ANO9: variants seen among roughly 807,000 people sequenced by gnomAD.
The protein encoded by ANO9 is anoctamin-9.
A neutral mutation model predicts 100.5 loss-of-function variants in ANO9; 80 were observed. That is an observed-to-expected ratio of 0.80 (90% confidence interval 0.66 to 0.96). The LOEUF (loss-of-function observed/expected upper bound fraction) is 0.96, where lower values mean the gene tolerates loss of function less well. Among genes scored for constraint, ANO9 ranks in the 40% least tolerant of loss-of-function variants. The probability of loss-of-function intolerance (pLI) is 0.00; values close to 1 mark genes in which losing one functional copy is unlikely to be tolerated. For synonymous variants in ANO9, 473 were observed against 435.6 expected (o/e 1.09, Z -1.07); for missense variants, 1,064 against 1,072.7 (o/e 0.99, Z 0.11).
At chr11:431,555 G>A in intron 7 of ANO9, 139 bp downstream of exon 7, 1 of 375,262 alleles carries the variant, frequency 2.7e-6, no homozygotes. Context: ...GTATCTGGGG[G>A]CGTCTGCGGG....
At position 429,696 on chromosome 11, in the gene ANO9, G is replaced by A. The variant is rs1250620937; in HGVS notation, c.833-44C>T. On this transcript the variant is annotated intron_variant, in intron 10 of 22. Coordinates refer to ENST00000332826, the MANE Select transcript of ANO9 (RefSeq NM_001012302.3). ...GGGGCATCACTGCACTACGCCAGGT[G>A]GACCTCGGAGCTTGGGCTGGCACTT... 5 of 1,612,320 alleles carry A rather than the reference G, an allele frequency of 3.1e-6. No individual in the cohort carries two copies. The African/African-American group carries it at 6.7e-5, about 22-fold the overall frequency.
At chr11:428,419 C>T in intron 13 of ANO9, 25 bp from the exon 14 acceptor site, 3 of 1,612,640 alleles carry the variant, frequency 1.9e-6, no homozygotes, top group Non-Finnish European at 2.5e-6. Flanking sequence ...ACCGAATGGG[C>T]TCACTGGGGC....
At chr11:426,057 C>G (rs1848504185) in intron 15 of ANO9, among the ~76,000 whole-genome samples, 1 of 152,110 alleles carries the variant, frequency 6.6e-6, no homozygotes, top group Non-Finnish European at 1.5e-5. Flanking sequence ...TTTAAAGGCA[C>G]TTTTAAAAAA....
rs1848253997 is a variant in ANO9, at chr11:422,493, G to A, written c.1335-1295C>T. On this transcript the variant is annotated intron_variant, in intron 15 of 22. Coordinates refer to ENST00000332826, the MANE Select transcript of ANO9 (RefSeq NM_001012302.3). This position sits in a 1 kb window ranked among gnomAD's most constrained non-coding sequence, Gnocchi z 4.3. ...ACAAGGGTCCCTCTGTGGGGACAGG[G>A]AGCAGCTGGGAGCTGGCCTGACTCA... is the stretch of plus-strand genomic sequence containing the variant. Among the ~76,000 whole-genome samples, 1 of 152,208 alleles carries A rather than the reference G, an allele frequency of 6.6e-6. No individual in the cohort carries two copies. The highest frequency in any genetic ancestry group is 2.4e-5 in the African/African-American group (1 of 41,444).
chr11:434,818 G>C (rs149875640), intron 1 of ANO9, among the ~76,000 whole-genome samples: 3 of 152,312 alleles, frequency 2.0e-5, no homozygotes, highest in Non-Finnish European at 4.4e-5. Flanking sequence ...CCTTCCGGAG[G>C]AGGGGAATTT....
chr11:442,004 T>G lies in ANO9; in HGVS notation c.-78A>C, dbSNP rs1845921847. ...CCAGCGGCGGGTGCTCCTACCTGAC[T>G]TCCGCGTGGGGCTCGCCCCTCCCTC... On this transcript the variant is annotated 5_prime_UTR_variant, in exon 1 of 23. Transcript: ENST00000332826. 1.3e-6 allele frequency: 2 copies of G among 1,565,384 alleles called. No homozygotes were observed. The highest frequency in any genetic ancestry group is 8.6e-7 in the Non-Finnish European group (1 of 1,161,908).
At chr11:440,109 G>C (rs1845743374) in intron 1 of ANO9, among the ~76,000 whole-genome samples, 2 of 152,090 alleles carry the variant, frequency 1.3e-5, no homozygotes, top group African/African-American at 2.4e-5. Context: ...TTGGTGTCTG[G>C]GACTCAGCAG....
In ANO9 at chr11:421,583, A is replaced by G. The variant is rs146628800; in HGVS notation, c.1335-385T>C. ...ACCGCACCCACACGTGGGCGCGCGC[A>G]CACACACACACACCCCCACACAGGG... On this transcript the variant is annotated intron_variant, in intron 15 of 22. Coordinates refer to ENST00000332826, the MANE Select transcript of ANO9 (RefSeq NM_001012302.3). The surrounding 1 kb of genome is among the most constrained non-coding windows in gnomAD (Gnocchi z 6.8). Among the ~76,000 whole-genome samples the G allele has an allele frequency of 0.026, 2,694 of 103,504 alleles. 104 individuals are homozygous for G. Among genetic ancestry groups the G allele is most frequent in the African/African-American group, 0.064 (1,606 of 25,152 alleles). The allele number at this position is 103,504 out of a possible 152,430, so 67.9% of individuals were successfully genotyped here.
rs1198784823 is a variant in ANO9 at position 433,876 on chromosome 11, G to T, written c.143C>A (p.Pro48His). ...LVAQRHTQRD[P>H]RQARQQQFLE... ...GAACTGTTGCTGCCGCGCCTGCCGG[G>T]GGTCTCTCTGGGTGTGACGTTGGGC... is the stretch of plus-strand genomic sequence containing the variant. Residue 48 changes from proline (P) to histidine (H), a missense_variant, in exon 3 of 23, where the codon CCC (proline) becomes CAC (histidine). By Grantham distance (77) the Pro-to-His change is moderately conservative. Coordinates refer to ENST00000332826, the MANE Select transcript of ANO9 (RefSeq NM_001012302.3). The T allele has an allele frequency of 1.9e-6, 3 of 1,563,162 alleles. No individual in the cohort carries two copies. Among genetic ancestry groups the T allele is most frequent in the African/African-American group, 2.7e-5 (2 of 74,228 alleles).
At chr11:435,616 ATAGTCTAGTCTAGTATGGTCTAGTC>A (rs1849444357) in intron 1 of ANO9, among the ~76,000 whole-genome samples, 2 of 64,902 alleles carry the variant, frequency 3.1e-5, no homozygotes, top group African/African-American at 8.2e-5. Context: ...ATAGTCTAGT[ATAGTCTAGTCTAGTATGGTCTAGTC>A]TAGTCTAGTC....
Position 418,290 on chromosome 11 carries a change from A to G in ANO9, c.*81T>C, listed in dbSNP as rs1044944161. On this transcript the variant is annotated 3_prime_UTR_variant, in exon 23 of 23. Transcript: ENST00000332826. ...CACAGCCTTCTCACAGCACCCCTCA[A>G]CACGCACAGCGGTGGGCTTGTGGGA... 2 of 1,368,384 alleles carry G rather than the reference A, an allele frequency of 1.5e-6. No homozygotes were observed. The highest frequency in any genetic ancestry group is 2.5e-5 in the East Asian group (1 of 39,924). 84.8% of individuals were successfully genotyped at this position (1,368,384 alleles called of 1,614,324 possible). A position where few individuals can be genotyped will look rare whatever the true frequency, so the allele number is the denominator to read the frequency against.
rs370523888 is a variant in ANO9 at position 422,351 on chromosome 11, C to T, written c.1335-1153G>A. ...TGCTCATTCTTGGAGCCTGTGACCA[C>T]GTTCTTACCTGGCAAAGGAATTTTA... On this transcript the variant is annotated intron_variant, in intron 15 of 22. Coordinates refer to ENST00000332826, the MANE Select transcript of ANO9 (RefSeq NM_001012302.3). The surrounding 1 kb of genome is among the most constrained non-coding windows in gnomAD (Gnocchi z 4.3). Among the ~76,000 whole-genome samples, 1 of 152,356 alleles carries T rather than the reference C, an allele frequency of 6.6e-6. No individual in the cohort carries two copies. Among genetic ancestry groups the T allele is most frequent in the East Asian group, 1.9e-4 (1 of 5,194 alleles).
At position 441,998 on chromosome 11, in the gene ANO9, CCTGA is replaced by C. The variant is rs1242046485; in HGVS notation, c.-76_-73del. On this transcript the variant is annotated 5_prime_UTR_variant, in exon 1 of 23. Coordinates refer to ENST00000332826, the MANE Select transcript of ANO9 (RefSeq NM_001012302.3). ...TGGCTGCCAGCGGCGGGTGCTCCTACCTGACTTCCGCGTGGGGCTCGCCCCTCCC... is the reference window on the plus strand; with the variant it reads ...TGGCTGCCAGCGGCGGGTGCTCCTACCTTCCGCGTGGGGCTCGCCCCTCCC... 2 of 1,572,874 alleles carry C rather than the reference CCTGA, an allele frequency of 1.3e-6. No homozygotes were observed. Among genetic ancestry groups the C allele is most frequent in the Admixed American group, 1.8e-5 (1 of 54,692 alleles).
chr11:431,965 A>G (rs1849046202), intron 5 of ANO9, 34 bp downstream of exon 5: 1 of 1,612,460 alleles, frequency 6.2e-7, no homozygotes, highest in Non-Finnish European at 8.5e-7. Flanking sequence ...CCCTGCCCGC[A>G]GCGCCCCTGT....
chr11:418,864 C>A (rs1173913724), intron 21 of ANO9, 24 bp downstream of exon 21: 3 of 1,613,594 alleles, frequency 1.9e-6, no homozygotes, highest in Non-Finnish European at 2.5e-6. Context: ...AGAGGGCATT[C>A]TTGGGGGATG....
Position 430,276 on chromosome 11 carries a change from G to T in ANO9, c.667C>A (p.Gln223Lys). ...LSGFSLFEASQISKEICEAHD... is the reference protein window; with the variant it reads ...LSGFSLFEASKISKEICEAHD... ...GCCCCTGCTGCGGCCCACCTGATCT[G>T]GCTGGCCTCAAACAGCGAGAATCCG... is the stretch of plus-strand genomic sequence containing the variant. Residue 223 changes from glutamine (Q) to lysine (K), a missense_variant, in exon 8 of 23, where the codon CAG becomes AAG. By Grantham distance (53) the Gln-to-Lys change is moderately conservative. Transcript: ENST00000332826. 7 of 1,569,896 alleles carry T rather than the reference G, an allele frequency of 4.5e-6. No individual in the cohort carries two copies. The highest frequency in any genetic ancestry group is 6.0e-6 in the Non-Finnish European group (7 of 1,158,448).
In ANO9 at chr11:431,688, C is replaced by T. The variant is rs201645248; in HGVS notation, c.539+6G>A. 111 of 1,612,086 alleles carry T rather than the reference C, an allele frequency of 6.9e-5. No homozygotes were observed. In the African/African-American group the frequency reaches 1.2e-3, roughly 17 times the overall value. On this transcript the variant is annotated splice_donor_region_variant and intron_variant, in intron 7 of 22. Coordinates refer to ENST00000332826, the MANE Select transcript of ANO9 (RefSeq NM_001012302.3). ...GGGTTCCTGTGCTCTCTTTGGGCAG[C>T]GTTACCTGATTTCATCAACTGGCTG...
Position 431,718 on chromosome 11 carries a change from C to T in ANO9, c.515G>A (p.Arg172Gln), listed in dbSNP as rs1383368850. 6.8e-6 allele frequency: 11 copies of T among 1,612,542 alleles called. No homozygotes were observed. The highest frequency in any genetic ancestry group is 2.7e-5 in the African/African-American group (2 of 74,894). ...CCTGATTTCATCAACTGGCTGCTCCCGGAACATGTGTCTCCACCGCGCCCA... is the reference window on the plus strand; with the variant it reads ...CCTGATTTCATCAACTGGCTGCTCCTGGAACATGTGTCTCCACCGCGCCCA... Reference protein sequence around the residue: ...KTWARWRHMFREQPVDEIRNY... With the variant: ...KTWARWRHMFQEQPVDEIRNY... The change falls in exon 7 of 23, where the codon CGG (arginine) becomes CAG (glutamine). Residue 172 changes from arginine to glutamine, a missense_variant. Coordinates refer to ENST00000332826, the MANE Select transcript of ANO9 (RefSeq NM_001012302.3).
rs142684170 is a variant in ANO9 at position 433,873 on chromosome 11, C to T, written c.146G>A (p.Arg49Gln). 924 of 1,563,932 alleles carry T rather than the reference C, an allele frequency of 5.9e-4. 5 individuals are homozygous for T. The highest frequency in any genetic ancestry group is 1.0e-3 in the Middle Eastern group (6 of 5,998). ...CAGGAACTGTTGCTGCCGCGCCTGC[C>T]GGGGGTCTCTCTGGGTGTGACGTTG... ...VAQRHTQRDP[R>Q]QARQQQFLEE... Residue 49 changes from arginine (R) to glutamine (Q), a missense_variant, in exon 3 of 23, where the codon CGG becomes CAG. Arg to Gln is a conservative substitution (Grantham distance 43). Coordinates refer to ENST00000332826, the MANE Select transcript of ANO9 (RefSeq NM_001012302.3).
Sources: gnomAD v4.1 joint callset for allele counts (sites outside exome capture counted in the v4.1 genomes callset) on GRCh38, gnomAD v4.1.1 for gene constraint, Gnocchi (gnomAD v3.1) non-coding constraint, MANE v1.5 for transcripts, NCBI Gene and HGNC (gene_info 2026-07-23, HGNC 2026-07-21) for gene names.